Variants in GATAD2B observed in about 807,000 individuals in gnomAD.
GATAD2B encodes the protein GATA zinc finger domain containing 2B, also known as transcriptional repressor p66-beta.
A neutral mutation model predicts 64.3 loss-of-function variants in GATAD2B; 8 were observed. The ratio of observed to expected loss-of-function variants is 0.12; its 90% CI spans 0.07 to 0.22. The LOEUF (loss-of-function observed/expected upper bound fraction) is 0.22, where lower values mean the gene tolerates loss of function less well. GATAD2B is among the 10% of genes least tolerant of loss of function. GATAD2B has a pLI of 1.00. For synonymous variants in GATAD2B, 281 were observed against 271.3 expected (o/e 1.04, Z -0.35); for missense variants, 453 against 752.0 (o/e 0.60, Z 4.65).
At chr1:153,889,690 T>C in intron 1 of GATAD2B, 1 of 800,252 alleles carries the variant, frequency 1.2e-6, no homozygotes, top group Non-Finnish European at 1.5e-6. Flanking sequence ...GTTACTTATT[T>C]TCATATGTTC....
intron 2 of GATAD2B, among the ~76,000 whole-genome samples, chr1:153,827,247 A>G (rs1465658412): frequency 6.8e-6 from 1 of 146,190 alleles, no homozygotes; most frequent in African/African-American, 2.5e-5. Context: ...CCTTGCCTCA[A>G]AAAAAAAAAA....
intron 1 of GATAD2B, among the ~76,000 whole-genome samples, chr1:153,861,862 A>G (rs575802856): frequency 6.8e-6 from 1 of 146,080 alleles, no homozygotes; most frequent in Non-Finnish European, 1.5e-5. Context: ...ATATGTATAT[A>G]TGTATATATA....
chr1:153,868,075 C>A (rs1676539315), intron 1 of GATAD2B, among the ~76,000 whole-genome samples: 1 of 150,228 alleles, frequency 6.7e-6, no homozygotes, highest in African/African-American at 2.5e-5. Context: ...GTGGTGCACA[C>A]CTGTAGTCCC....
chr1:153,822,687 CG>C (rs1674725182), intron 2 of GATAD2B, among the ~76,000 whole-genome samples: 2 of 152,014 alleles, frequency 1.3e-5, no homozygotes, highest in African/African-American at 4.8e-5. Context: ...TATTTAGAGA[CG>C]GGGTTTCACT....
intron 1 of GATAD2B, among the ~76,000 whole-genome samples, chr1:153,895,295 C>T (rs979065312): frequency 1.1e-4 from 17 of 151,430 alleles, no homozygotes; most frequent in Admixed American, 7.9e-4. Context: ...GATCGCGCCA[C>T]TGCACTGCAG....
At chr1:153,862,311 C>T (rs1312679052) in intron 1 of GATAD2B, among the ~76,000 whole-genome samples, 2 of 151,506 alleles carry the variant, frequency 1.3e-5, no homozygotes, top group African/African-American at 4.8e-5. Context: ...TTAGTAGAGA[C>T]GGGGTTTCAC....
At chr1:153,884,489 C>A (rs1444021514) in intron 1 of GATAD2B, among the ~76,000 whole-genome samples, 2 of 152,020 alleles carry the variant, frequency 1.3e-5, no homozygotes, top group South Asian at 2.1e-4. Context: ...GTAATCCCAG[C>A]TACTGGGGAG....
chr1:153,834,735 C>G (rs1025621025), intron 1 of GATAD2B, among the ~76,000 whole-genome samples: 2 of 152,184 alleles, frequency 1.3e-5, no homozygotes, highest in Non-Finnish European at 2.9e-5. Context: ...TTGATTATAA[C>G]TTTCATACAT....
At chr1:153,880,573 G>C (rs987574051) in intron 1 of GATAD2B, among the ~76,000 whole-genome samples, 1 of 152,058 alleles carries the variant, frequency 6.6e-6, no homozygotes, top group Non-Finnish European at 1.5e-5. Context: ...TAAAATCCAG[G>C]AGGCATTTCT....
At position 153,917,124 on chromosome 1, in the gene GATAD2B, AGTCACACGCT is replaced by A. The variant is rs956061922; in HGVS notation, c.-2+5599_-2+5608del. Among the ~76,000 whole-genome samples, 8 of 148,942 alleles carry A rather than the reference AGTCACACGCT, an allele frequency of 5.4e-5. No homozygotes were observed. In the East Asian group the frequency reaches 1.4e-3, roughly 26 times the overall value. On this transcript the variant is annotated intron_variant, in intron 1 of 10. Transcript: ENST00000368655. ...CCCGGCCTATTTTTTTTTGAAACTG[AGTCACACGCT>A]GTCACCCAGGCTGGAGTGCAATGGC...
chr1:153,862,118 CTTTTTTTT>C lies in GATAD2B; in HGVS notation c.-1-33778_-1-33771del, dbSNP rs754580519. Among the ~76,000 whole-genome samples the C allele has an allele frequency of 4.9e-5, 5 of 101,184 alleles. 1 individual carries two copies. The highest frequency in any genetic ancestry group is 7.1e-4 in the South Asian group (2 of 2,830). 66.4% of individuals were successfully genotyped at this position (101,184 alleles called of 152,430 possible). On this transcript the variant is annotated intron_variant, in intron 1 of 10. Coordinates refer to ENST00000368655, the MANE Select transcript of GATAD2B (RefSeq NM_020699.4). The stretch of plus-strand genomic sequence containing the variant: ...CAACGTATTTTACATACATTATATC[CTTTTTTTT>C]TTTTTTTTTTTTTTTAGACTGAGTC...
chr1:153,815,103 A>AAAAAAAAAAAAAAAAC (rs1674416706), intron 7 of GATAD2B, among the ~76,000 whole-genome samples: 1 of 142,318 alleles, frequency 7.0e-6, no homozygotes, highest in South Asian at 2.2e-4. Flanking sequence ...AAAAAAAAAA[A>AAAAAAAAAAAAAAAAC]AAAAAAAAAC....
intron 1 of GATAD2B, among the ~76,000 whole-genome samples, chr1:153,843,872 TGGA>T (rs1675586872): frequency 1.5e-5 from 2 of 132,082 alleles, no homozygotes; most frequent in South Asian, 2.4e-4. Flanking sequence ...TTGAAAACAA[TGGA>T]CATCAGGCAA....
intron 1 of GATAD2B, among the ~76,000 whole-genome samples, chr1:153,857,263 T>C (rs1451006761): frequency 2.6e-5 from 4 of 151,796 alleles, no homozygotes; most frequent in African/African-American, 9.7e-5. Context: ...CTGGCCAACA[T>C]AGTGAAACCC....
chr1:153,866,184 C>G (rs1676468924), intron 1 of GATAD2B, among the ~76,000 whole-genome samples: 1 of 120,310 alleles, frequency 8.3e-6, no homozygotes, highest in Non-Finnish European at 1.6e-5. Flanking sequence ...AGCCTGGCAA[C>G]AGAGTGACAC....
In GATAD2B at chr1:153,806,193, C is replaced by G. The variant is rs537249120; in HGVS notation, c.*3984G>C. The G allele has an allele frequency of 6.6e-6, 1 of 152,186 alleles. No individual in the cohort carries two copies. The allele number at this position is 152,186 out of a possible 1,614,324, so 9.4% of individuals were successfully genotyped here. ...TACAATTCATAATAATACTTGGTTTCGATGCCCCCGGGAACTGCCCCATTC... is the reference window on the plus strand; with the variant it reads ...TACAATTCATAATAATACTTGGTTTGGATGCCCCCGGGAACTGCCCCATTC... On this transcript the variant is annotated 3_prime_UTR_variant, in exon 11 of 11. Coordinates refer to ENST00000368655, the MANE Select transcript of GATAD2B (RefSeq NM_020699.4).
chr1:153,852,561 A>ATCT, intron 1 of GATAD2B: 1 of 770,874 alleles, frequency 1.3e-6, no homozygotes, highest in East Asian at 2.4e-5. Flanking sequence ...CACCCATGAG[A>ATCT]GCTAGAGCTT....
chr1:153,864,802 C>T (rs12041927), intron 1 of GATAD2B, among the ~76,000 whole-genome samples: 1 of 152,188 alleles, frequency 6.6e-6, no homozygotes, highest in Non-Finnish European at 1.5e-5. Flanking sequence ...GGCACAGTGG[C>T]TCATGCCTGT....
intron 1 of GATAD2B, among the ~76,000 whole-genome samples, chr1:153,886,676 C>T (rs545815328): frequency 1.7e-4 from 25 of 151,504 alleles, no homozygotes; most frequent in Non-Finnish European, 3.1e-4. Flanking sequence ...CTCAGCCTCT[C>T]GACTAGCTGG....
Sources: gnomAD v4.1 joint callset for allele counts (sites outside exome capture counted in the v4.1 genomes callset) on GRCh38, gnomAD v4.1.1 for gene constraint, MANE v1.5 for transcripts, NCBI Gene and HGNC (gene_info 2026-07-23, HGNC 2026-07-21) for gene names.